Variants in ZEB1 observed in about 807,000 individuals in gnomAD.
ZEB1 encodes the protein zinc finger E-box binding homeobox 1, also known as zinc finger E-box-binding homeobox 1.
A neutral mutation model predicts 84.9 loss-of-function variants in ZEB1; 21 were observed. That is an observed-to-expected ratio of 0.25 (90% CI 0.18 to 0.36). The LOEUF (loss-of-function observed/expected upper bound fraction) is 0.36, where lower values mean the gene tolerates loss of function less well. Ranked by LOEUF, ZEB1 falls within the 10% of genes least tolerant of loss-of-function variation. The pLI is 1.00. For missense variants in ZEB1, 1,104 were observed against 1,330.2 expected (o/e 0.83, Z 2.65); for synonymous variants, 420 against 471.1 (o/e 0.89, Z 1.41).
rs1456694210 is a variant in ZEB1, at chr10:31,452,738, TGTGTGAGA to T, written c.59-8297_59-8290del. On this transcript the variant is annotated intron_variant, in intron 1 of 8. Transcript: ENST00000424869. ...GTGTGTGTGTGTGTGTGTGTGTGTGTGTGTGAGAGAGAGAGAGAGAGAGAGAGAGAGAG... is the reference window on the plus strand; with the variant it reads ...GTGTGTGTGTGTGTGTGTGTGTGTGTGAGAGAGAGAGAGAGAGAGAGAGAG... 6.2e-3 allele frequency among the ~76,000 whole-genome samples: 624 copies of T among 100,936 alleles called. 5 individuals carry two copies. Among genetic ancestry groups the T allele is most frequent in the African/African-American group, 0.038 (529 of 14,004 alleles). 66.2% of individuals were successfully genotyped at this position (100,936 alleles called of 152,430 possible). A position where few individuals can be genotyped will look rare whatever the true frequency, so the allele number is the denominator to read the frequency against.
chr10:31,410,963 A>G (rs936832703), intron 1 of ZEB1, among the ~76,000 whole-genome samples: 10 of 152,168 alleles, frequency 6.6e-5, no homozygotes, highest in African/African-American at 2.4e-4. Context: ...TTCATTGATT[A>G]TTTTAAAGGG....
At chr10:31,500,551 G>T (rs1565133450) in intron 3 of ZEB1, among the ~76,000 whole-genome samples, 1 of 152,140 alleles carries the variant, frequency 6.6e-6, no homozygotes, top group Non-Finnish European at 1.5e-5. Flanking sequence ...GTGATTCTCT[G>T]TTGCCTTGAT....
chr10:31,428,810 CCTT>C (rs2057319273), intron 1 of ZEB1, among the ~76,000 whole-genome samples: 1 of 152,034 alleles, frequency 6.6e-6, no homozygotes, highest in African/African-American at 2.4e-5. Context: ...TGTATAATGC[CCTT>C]CTTTGCCTTT....
chr10:31,403,984 T>A (rs1316769733), intron 1 of ZEB1, among the ~76,000 whole-genome samples: 1 of 152,112 alleles, frequency 6.6e-6, no homozygotes, highest in Non-Finnish European at 1.5e-5. Context: ...ACATAGTCTT[T>A]AAGGAATAAA....
rs2073795884 is a variant in ZEB1 at position 31,528,126 on chromosome 10, C to G, written c.*862C>G. On this transcript the variant is annotated 3_prime_UTR_variant, in exon 9 of 9. Coordinates refer to ENST00000424869, the MANE Select transcript of ZEB1 (RefSeq NM_001174096.2). The stretch of plus-strand genomic sequence containing the variant: ...GCTTTGTATCTCCTTTGGCCTTAAG[C>G]AAGACCTGTGTGCTGTAAGTGCCAT... 1 of 152,172 alleles carries G rather than the reference C, an allele frequency of 6.6e-6. No homozygotes were observed. Among genetic ancestry groups the G allele is most frequent in the Admixed American group, 6.6e-5 (1 of 15,266 alleles). 9.4% of individuals were successfully genotyped at this position (152,172 alleles called of 1,614,324 possible).
intron 2 of ZEB1, among the ~76,000 whole-genome samples, chr10:31,475,703 G>A (rs945209225): frequency 2.0e-5 from 3 of 152,034 alleles, no homozygotes; most frequent in African/African-American, 4.8e-5. Context: ...CTTCATAATT[G>A]AAGGAGAAAT....
chr10:31,394,565 G>A (rs2050348888), intron 1 of ZEB1, among the ~76,000 whole-genome samples: 1 of 152,142 alleles, frequency 6.6e-6, no homozygotes, highest in Admixed American at 6.6e-5. Flanking sequence ...CCCACCAAGG[G>A]AGACCTCTTG....
At chr10:31,513,981 G>T (rs977216853) in intron 5 of ZEB1, among the ~76,000 whole-genome samples, 14 of 152,048 alleles carry the variant, frequency 9.2e-5, no homozygotes, top group African/African-American at 2.7e-4. Context: ...TAAGTATGAA[G>T]AATACATTTG....
chr10:31,502,710 T>C (rs1177165564), intron 4 of ZEB1, among the ~76,000 whole-genome samples: 1 of 152,190 alleles, frequency 6.6e-6, no homozygotes, highest in African/African-American at 2.4e-5. Flanking sequence ...GCTCATGTAT[T>C]GTGGTAGTAA....
intron 1 of ZEB1, among the ~76,000 whole-genome samples, chr10:31,368,469 A>G (rs1178538918): frequency 6.2e-5 from 9 of 144,090 alleles, no homozygotes; most frequent in Non-Finnish European, 1.2e-4. Flanking sequence ...CCTCTTGTAT[A>G]CGTTAAATCA....
At chr10:31,331,232 G>A (rs933920696) in intron 1 of ZEB1, among the ~76,000 whole-genome samples, 9 of 151,362 alleles carry the variant, frequency 5.9e-5, no homozygotes, top group East Asian at 3.9e-4. Flanking sequence ...GATTACAGGC[G>A]CGTGCCACCA....
At chr10:31,429,733 CTTTTTTTT>C (rs35031058) in intron 1 of ZEB1, among the ~76,000 whole-genome samples, 2 of 79,544 alleles carry the variant, frequency 2.5e-5, no homozygotes, top group South Asian at 4.3e-4. Flanking sequence ...ACAGGCAGAA[CTTTTTTTT>C]TTTTTTTTTT....
chr10:31,452,742 T>TGTGTGA (rs1387786622), intron 1 of ZEB1, among the ~76,000 whole-genome samples: 973 of 90,726 alleles, frequency 0.011, 5 homozygotes, highest in African/African-American at 0.019. Flanking sequence ...TGTGTGTGTG[T>TGTGTGA]GAGAGAGAGA....
chr10:31,492,033 G>A (rs1349041409), intron 2 of ZEB1, among the ~76,000 whole-genome samples: 1 of 151,894 alleles, frequency 6.6e-6, no homozygotes, highest in Non-Finnish European at 1.5e-5. Context: ...AGGGAATAGG[G>A]TAGGAATAGC....
At chr10:31,516,896 A>C (rs1238396300) in intron 6 of ZEB1, among the ~76,000 whole-genome samples, 1 of 152,084 alleles carries the variant, frequency 6.6e-6, no homozygotes. Context: ...AAGGCTACCC[A>C]AAGTGACATC....
chr10:31,366,860 T>G (rs1006761556), intron 1 of ZEB1, among the ~76,000 whole-genome samples: 4 of 152,066 alleles, frequency 2.6e-5, no homozygotes, highest in Non-Finnish European at 4.4e-5. Context: ...TGGAAGAAAG[T>G]GGGAGGTTAT....
At position 31,364,860 on chromosome 10, in the gene ZEB1, G is replaced by A. The variant is rs4079794; in HGVS notation, c.58+45568G>A. 4.6e-5 allele frequency among the ~76,000 whole-genome samples: 7 copies of A among 152,154 alleles called. 1 individual carries two copies. The highest frequency in any genetic ancestry group is 1.3e-4 in the Admixed American group (2 of 15,276). ...ATGTAGTCCTGGGGTACTTAGCACC[G>A]TGGCATATCTGTAATAAGCACATGC... On this transcript the variant is annotated intron_variant, in intron 1 of 8. Transcript: ENST00000424869.
chr10:31,357,962 T>C (rs2042377287), intron 1 of ZEB1, among the ~76,000 whole-genome samples: 1 of 152,156 alleles, frequency 6.6e-6, no homozygotes, highest in African/African-American at 2.4e-5. Flanking sequence ...AGAAATAAAC[T>C]TCTCTTGGCG....
intron 1 of ZEB1, among the ~76,000 whole-genome samples, chr10:31,440,868 C>A (rs2058863533): frequency 6.6e-6 from 1 of 152,116 alleles, no homozygotes; most frequent in Non-Finnish European, 1.5e-5. Context: ...AGGACCTCTT[C>A]AAGGAGAACT....
Sources: allele counts gnomAD v4.1 joint callset (sites outside exome capture counted in the v4.1 genomes callset), GRCh38; gene constraint gnomAD v4.1.1; transcripts MANE v1.5; gene names NCBI Gene and HGNC (gene_info 2026-07-23, HGNC 2026-07-21).